The following SPIRE1 variants were observed in gnomAD, a reference collection of about 807,000 sequenced individuals.
SPIRE1 encodes the protein spire type actin nucleation factor 1.
A neutral mutation model predicts 94.1 loss-of-function variants in SPIRE1; 40 were observed. The ratio of observed to expected loss-of-function variants is 0.43; its 90% CI spans 0.33 to 0.55. The LOEUF (loss-of-function observed/expected upper bound fraction) is 0.55, where lower values mean the gene tolerates loss of function less well. SPIRE1 is among the 20% of genes least tolerant of loss of function. The pLI, the probability that SPIRE1 is intolerant of heterozygous loss-of-function variation, is 0.06. For synonymous variants in SPIRE1, 376 were observed against 371.7 expected (o/e 1.01, Z -0.13); for missense variants, 838 against 975.2 (o/e 0.86, Z 1.87).
rs2031408738 is a variant in SPIRE1, at chr18:12,454,471, A to G, written c.1651T>C (p.Tyr551His). Reference sequence around the variant, plus strand: ...GTAAGAGCGAGGCATTCCACTGGGTAGCAGAATTCCTCCTGAAATTCAAAA... The same window carrying G: ...GTAAGAGCGAGGCATTCCACTGGGTGGCAGAATTCCTCCTGAAATTCAAAA... ...QSSRSLEEFC[Y>H]PVECLALTVE... The change falls in exon 13 of 17, where the codon TAC becomes CAC. Residue 551 changes from tyrosine to histidine, a missense_variant. Transcript: ENST00000409402. 1 of 1,613,656 alleles carries G rather than the reference A, an allele frequency of 6.2e-7. No individual in the cohort carries two copies. The highest frequency in any genetic ancestry group is 1.3e-5 in the African/African-American group (1 of 74,618).
intron 2 of SPIRE1, among the ~76,000 whole-genome samples, chr18:12,577,093 T>C (rs1280947043): frequency 2.0e-5 from 3 of 152,048 alleles, no homozygotes; most frequent in African/African-American, 4.8e-5. Context: ...GGTATCTATC[T>C]GAAAAAAGAA....
chr18:12,500,939 G>A (rs1400428782), intron 6 of SPIRE1, among the ~76,000 whole-genome samples: 2 of 151,780 alleles, frequency 1.3e-5, no homozygotes, highest in African/African-American at 4.8e-5. Flanking sequence ...GGGTGTGGTG[G>A]TGCATGCCTG....
chr18:12,468,033 C>T (rs933646731), intron 10 of SPIRE1, among the ~76,000 whole-genome samples: 5 of 152,050 alleles, frequency 3.3e-5, no homozygotes, highest in African/African-American at 1.2e-4. Flanking sequence ...AATTAGATCA[C>T]GTTTCTTTAC....
At chr18:12,528,133 T>A (rs2144146480) in intron 4 of SPIRE1, among the ~76,000 whole-genome samples, 1 of 151,928 alleles carries the variant, frequency 6.6e-6, no homozygotes, top group African/African-American at 2.4e-5. Flanking sequence ...TTAATCTCAT[T>A]GATGGAGGCC....
At chr18:12,501,548 TA>T (rs2143942021) in intron 6 of SPIRE1, among the ~76,000 whole-genome samples, 1 of 152,284 alleles carries the variant, frequency 6.6e-6, no homozygotes, top group Admixed American at 6.5e-5. Flanking sequence ...CACACCCAGC[TA>T]ATTTTTGTAG....
At chr18:12,608,868 A>G (rs1567964712) in intron 2 of SPIRE1, among the ~76,000 whole-genome samples, 1 of 152,206 alleles carries the variant, frequency 6.6e-6, no homozygotes, top group Non-Finnish European at 1.5e-5. Flanking sequence ...TAAGAGTCAC[A>G]AAGAAGCAAA....
rs537783343 is a variant in SPIRE1, at chr18:12,570,726, C to T, written c.373-23822G>A. On this transcript the variant is annotated intron_variant, in intron 2 of 16. Transcript: ENST00000409402. ...CCATAATTCTACTCTCCCACAGAGCCGCACACCTGGACATCTCCTACTCTG... is the reference window on the plus strand; with the variant it reads ...CCATAATTCTACTCTCCCACAGAGCTGCACACCTGGACATCTCCTACTCTG... Among the ~76,000 whole-genome samples the T allele has an allele frequency of 1.2e-4, 18 of 152,244 alleles. No homozygotes were observed. The South Asian group carries it at 2.7e-3, about 23-fold the overall frequency.
intron 1 of SPIRE1, among the ~76,000 whole-genome samples, chr18:12,645,884 C>T (rs189734213): frequency 8.0e-4 from 122 of 152,160 alleles, no homozygotes; most frequent in African/African-American, 2.7e-3. Context: ...CTTCTGACTC[C>T]GACTCCCACA....
intron 2 of SPIRE1, among the ~76,000 whole-genome samples, chr18:12,624,197 C>A (rs1212745065): frequency 6.6e-6 from 1 of 151,378 alleles, no homozygotes; most frequent in African/African-American, 2.4e-5. Flanking sequence ...GTTGGGATTA[C>A]AAGCGTAAAC....
In SPIRE1 at chr18:12,559,077, G is replaced by A. The variant is rs2035605787; in HGVS notation, c.373-12173C>T. Among the ~76,000 whole-genome samples the A allele has an allele frequency of 6.6e-6, 1 of 151,992 alleles. No individual in the cohort carries two copies. The highest frequency in any genetic ancestry group is 6.5e-5 in the Admixed American group (1 of 15,280). On this transcript the variant is annotated intron_variant, in intron 2 of 16. Coordinates refer to ENST00000409402, the MANE Select transcript of SPIRE1 (RefSeq NM_001128626.2). The surrounding 1 kb of genome is among the most constrained non-coding windows in gnomAD (Gnocchi z 4.7). ...GGTGCCCGCCAGTCCCGTGCCACGT[G>A]CCTGCACTCCTCAGCCCTTGGGCGG...
rs530328881 is a variant in SPIRE1, at chr18:12,634,343, T to C, written c.372+719A>G. 5.9e-5 allele frequency among the ~76,000 whole-genome samples: 9 copies of C among 151,872 alleles called. No individual in the cohort carries two copies. In the East Asian group the frequency reaches 9.7e-4, roughly 16 times the overall value. Reference sequence around the variant, plus strand: ...ATTTATTATTAATCTTACTAAAACATTGTTTCTAAGTCCCTATTTTTTCTT... The same window carrying C: ...ATTTATTATTAATCTTACTAAAACACTGTTTCTAAGTCCCTATTTTTTCTT... On this transcript the variant is annotated intron_variant, in intron 2 of 16. Transcript: ENST00000409402.
chr18:12,530,352 T>C (rs962270669), intron 4 of SPIRE1, among the ~76,000 whole-genome samples: 2 of 152,202 alleles, frequency 1.3e-5, no homozygotes, highest in Non-Finnish European at 2.9e-5. Context: ...AAGCTTAACA[T>C]GTCTTGCCTC....
At chr18:12,450,969 C>T (rs2031209258) in intron 16 of SPIRE1, 2 of 615,924 alleles carry the variant, frequency 3.2e-6, no homozygotes, top group Non-Finnish European at 5.9e-6. Flanking sequence ...GCTAAAGTTG[C>T]CCAGAAAAAG....
At chr18:12,516,008 A>G (rs1436037259) in intron 4 of SPIRE1, 1 of 152,128 alleles carries the variant, frequency 6.6e-6, no homozygotes, top group Non-Finnish European at 1.5e-5. Context: ...ATCCTAGGGG[A>G]GCTTAATCCA....
rs113104710 is a variant in SPIRE1 at position 12,535,841 on chromosome 18, G to A, written c.604-240C>T. 5.7e-3 allele frequency among the ~76,000 whole-genome samples: 863 copies of A among 152,280 alleles called. 3 individuals are homozygous for A. The highest frequency in any genetic ancestry group is 0.017 in the South Asian group (80 of 4,818). ...GTGGTGGCACACACCTGTAATCCCAGCTACTCAGGAAGCTGAGGCAGGACA... is the reference window on the plus strand; with the variant it reads ...GTGGTGGCACACACCTGTAATCCCAACTACTCAGGAAGCTGAGGCAGGACA... On this transcript the variant is annotated intron_variant, in intron 3 of 16. Coordinates refer to ENST00000409402, the MANE Select transcript of SPIRE1 (RefSeq NM_001128626.2).
At chr18:12,562,911 T>G (rs1433364711) in intron 2 of SPIRE1, among the ~76,000 whole-genome samples, 1 of 152,222 alleles carries the variant, frequency 6.6e-6, no homozygotes, top group Non-Finnish European at 1.5e-5. Flanking sequence ...GTTTCATGTA[T>G]ATGCTTCTTT....
chr18:12,636,604 T>A (rs1275059495), intron 1 of SPIRE1, among the ~76,000 whole-genome samples: 1 of 151,832 alleles, frequency 6.6e-6, no homozygotes, highest in Non-Finnish European at 1.5e-5. Context: ...TGGCTGAAAC[T>A]GAGACCAGAA....
intron 4 of SPIRE1, among the ~76,000 whole-genome samples, chr18:12,530,155 T>A (rs138872935): frequency 1.3e-5 from 2 of 152,166 alleles, no homozygotes; most frequent in Admixed American, 1.3e-4. Context: ...AAATTTAAGA[T>A]ATAAAATAAA....
At chr18:12,532,044 C>G (rs12967250) in intron 4 of SPIRE1, among the ~76,000 whole-genome samples, 14,432 of 152,192 alleles carry the variant, frequency 0.095, 979 homozygotes, top group Middle Eastern at 0.19. Flanking sequence ...TCTTAGGAGA[C>G]ACAGTAATGT....
Sources: gnomAD v4.1 joint callset for allele counts (sites outside exome capture counted in the v4.1 genomes callset) on GRCh38, gnomAD v4.1.1 for gene constraint, Gnocchi (gnomAD v3.1) non-coding constraint, MANE v1.5 for transcripts, NCBI Gene and HGNC (gene_info 2026-07-23, HGNC 2026-07-21) for gene names.